Variants in GNA12 observed in about 807,000 individuals in gnomAD.
GNA12 encodes the protein G protein subunit alpha 12.
GNA12 carries 9 observed loss-of-function variants against 26.0 expected under a neutral mutation model. The ratio of observed to expected loss-of-function variants is 0.35; its 90% CI spans 0.21 to 0.60. The LOEUF (loss-of-function observed/expected upper bound fraction) is 0.60. GNA12 is among the 20% of genes least tolerant of loss of function. The pLI is 0.78. For missense variants in GNA12, 405 were observed against 525.8 expected, an observed-to-expected ratio of 0.77 and a Z score of 2.25; for synonymous variants, 264 against 219.6, an observed-to-expected ratio of 1.20 and a Z score of -1.79.
chr7:2,757,392 C>T (rs116171489), intron 2 of GNA12, among the ~76,000 whole-genome samples: 1 of 152,232 alleles, frequency 6.6e-6, no homozygotes, highest in African/African-American at 2.4e-5. Context: ...AGAAAGCACA[C>T]AGCCGTGTTA....
rs538114235 is a variant in GNA12 at position 2,793,216 on chromosome 7, A to G, written c.525+1712T>C. Reference sequence around the variant, plus strand: ...GATCAAGGAGCTATCATGGACTGCAAGAGACCAAGGGGACACAATGACTAA... The same window carrying G: ...GATCAAGGAGCTATCATGGACTGCAGGAGACCAAGGGGACACAATGACTAA... On this transcript the variant is annotated intron_variant, in intron 2 of 3. Transcript: ENST00000275364. 1.4e-4 allele frequency among the ~76,000 whole-genome samples: 22 copies of G among 152,342 alleles called. No individual in the cohort carries two copies. In the South Asian group the frequency reaches 4.1e-3, roughly 29 times the overall value.
chr7:2,787,981 C>G (rs1482118269), intron 2 of GNA12, among the ~76,000 whole-genome samples: 3 of 152,152 alleles, frequency 2.0e-5, no homozygotes, highest in Non-Finnish European at 4.4e-5. Context: ...TAGTGAAACC[C>G]TATCTCTACT....
rs539136639 is a variant in GNA12 at position 2,787,831 on chromosome 7, T to C, written c.525+7097A>G. On this transcript the variant is annotated intron_variant, in intron 2 of 3. Coordinates refer to ENST00000275364, the MANE Select transcript of GNA12 (RefSeq NM_007353.3). ...AATGTAGTCCAGATTTGTGGTCATCTTCTCAACTCTGTTACCACGGCAGAG... is the reference window on the plus strand; with the variant it reads ...AATGTAGTCCAGATTTGTGGTCATCCTCTCAACTCTGTTACCACGGCAGAG... 2.0e-5 allele frequency among the ~76,000 whole-genome samples: 3 copies of C among 152,318 alleles called. No individual in the cohort carries two copies. The South Asian group carries it at 6.2e-4, about 32-fold the overall frequency.
At chr7:2,791,695 A>G (rs1265603063) in intron 2 of GNA12, among the ~76,000 whole-genome samples, 1 of 152,156 alleles carries the variant, frequency 6.6e-6, no homozygotes, top group Non-Finnish European at 1.5e-5. Context: ...ACACTCAGGA[A>G]AAGATTGGAA....
At chr7:2,813,298 G>A (rs1186185293) in intron 1 of GNA12, among the ~76,000 whole-genome samples, 3 of 152,166 alleles carry the variant, frequency 2.0e-5, no homozygotes, top group East Asian at 3.8e-4. Context: ...TGAGGAAACC[G>A]GCTTTCTCCA....
chr7:2,759,179 AT>A (rs1403295301), intron 2 of GNA12, among the ~76,000 whole-genome samples: 48 of 148,834 alleles, frequency 3.2e-4, no homozygotes, highest in East Asian at 5.8e-4. Flanking sequence ...AAATAAATAA[AT>A]AAATAAATAA....
At chr7:2,772,170 G>A (rs1452250720) in intron 2 of GNA12, among the ~76,000 whole-genome samples, 5 of 152,110 alleles carry the variant, frequency 3.3e-5, no homozygotes, top group Admixed American at 6.6e-5. Flanking sequence ...GACTCATATC[G>A]AGAATTCCCA....
At chr7:2,814,232 T>G (rs535120388) in intron 1 of GNA12, 1 of 795,038 alleles carries the variant, frequency 1.3e-6, no homozygotes, top group South Asian at 1.4e-5. Flanking sequence ...CTATGTATCC[T>G]GTTGGCTGTG....
At chr7:2,828,630 G>A (rs529058946) in intron 1 of GNA12, among the ~76,000 whole-genome samples, 4 of 152,314 alleles carry the variant, frequency 2.6e-5, no homozygotes, top group Non-Finnish European at 4.4e-5. Flanking sequence ...ACCTTAGGAC[G>A]CTACGTTAAA....
intron 2 of GNA12, among the ~76,000 whole-genome samples, chr7:2,747,845 TA>T (rs1790842439): frequency 6.6e-6 from 1 of 152,074 alleles, no homozygotes. Flanking sequence ...GTACAAAAAT[TA>T]CAAGCATTCT....
At chr7:2,804,078 C>T (rs546070960) in intron 1 of GNA12, among the ~76,000 whole-genome samples, 1 of 152,276 alleles carries the variant, frequency 6.6e-6, no homozygotes, top group South Asian at 2.1e-4. Flanking sequence ...CAAGGGGGAA[C>T]GAAATCGTCC....
intron 2 of GNA12, among the ~76,000 whole-genome samples, chr7:2,776,102 C>A (rs1792069039): frequency 6.6e-6 from 1 of 152,198 alleles, no homozygotes; most frequent in African/African-American, 2.4e-5. Context: ...GGTTAGACCG[C>A]TCATTGCAGC....
rs1158817269 is a variant in GNA12, at chr7:2,731,283, G to A, written c.1044C>T (p.His348=). 3 of 1,612,644 alleles carry A rather than the reference G, an allele frequency of 1.9e-6. No homozygotes were observed. Among genetic ancestry groups the A allele is most frequent in the African/African-American group, 1.3e-5 (1 of 74,512 alleles). ...KRRNRSKPLF[H]HFTTAIDTEN... ...CGGTGTCGATGGCGGTGGTGAAGTG[G>A]TGGAAGAGTGGCTTGCTGCGGTTCC... Residue 348 remains histidine, a synonymous_variant, in exon 4 of 4, where the codon CAC becomes CAT. Coordinates refer to ENST00000275364, the MANE Select transcript of GNA12 (RefSeq NM_007353.3). This position sits in a 1 kb window ranked among gnomAD's most constrained non-coding sequence, Gnocchi z 6.0.
intron 1 of GNA12, chr7:2,836,034 T>C (rs544147522): frequency 1.0e-5 from 3 of 288,780 alleles, no homozygotes; most frequent in South Asian, 9.1e-5. Flanking sequence ...AAACATTTTA[T>C]AATACTTAAA....
intron 1 of GNA12, among the ~76,000 whole-genome samples, chr7:2,813,942 C>T (rs2115486167): frequency 6.6e-6 from 1 of 152,282 alleles, no homozygotes; most frequent in Middle Eastern, 3.4e-3. Context: ...GGGCACCTTC[C>T]AATCCCTCAA....
chr7:2,737,309 G>T lies in GNA12; in HGVS notation c.526-3808C>A, dbSNP rs181589997. On this transcript the variant is annotated intron_variant, in intron 2 of 3. Transcript: ENST00000275364. ...TTTTTGTTTTTTTTTTTTTTTTTGA[G>T]ATGGAGTCTCGCCCTGTCGCCCCGG... is the stretch of plus-strand genomic sequence containing the variant. Among the ~76,000 whole-genome samples, 289 of 75,206 alleles carry T rather than the reference G, an allele frequency of 3.8e-3. 2 individuals carry two copies. Among genetic ancestry groups the T allele is most frequent in the African/African-American group, 0.016 (268 of 16,410 alleles). 49.3% of individuals were successfully genotyped at this position (75,206 alleles called of 152,430 possible). A position where few individuals can be genotyped will look rare whatever the true frequency, so the allele number is the denominator to read the frequency against.
At chr7:2,795,267 C>G in intron 1 of GNA12, 124 bp from the exon 2 acceptor site, 1 of 715,100 alleles carries the variant, frequency 1.4e-6, no homozygotes, top group Non-Finnish European at 2.4e-6. Context: ...AGCTGTGCAG[C>G]CTGAGTCTGT....
intron 1 of GNA12, among the ~76,000 whole-genome samples, chr7:2,818,549 G>C (rs1793267813): frequency 6.6e-6 from 1 of 152,122 alleles, no homozygotes; most frequent in Admixed American, 6.5e-5. Context: ...GATTGCCTGA[G>C]GTCAGGAGTT....
chr7:2,743,285 C>G (rs1419523860), intron 2 of GNA12, among the ~76,000 whole-genome samples: 1 of 152,066 alleles, frequency 6.6e-6, no homozygotes, highest in African/African-American at 2.4e-5. Context: ...TAAATGTCTG[C>G]TAAAGCAAAA....
Sources: allele counts gnomAD v4.1 joint callset (sites outside exome capture counted in the v4.1 genomes callset), GRCh38; gene constraint gnomAD v4.1.1; non-coding constraint Gnocchi (gnomAD v3.1); transcripts MANE v1.5; gene names NCBI Gene and HGNC (gene_info 2026-07-23, HGNC 2026-07-21).